The following SUMF1 variants were observed in gnomAD, a reference collection of about 807,000 sequenced individuals.
The protein encoded by SUMF1 is sulfatase modifying factor 1, also known as formylglycine-generating enzyme.
Under a neutral mutation model 47.6 loss-of-function variants are expected in SUMF1, and 48 were observed. The observed-to-expected ratio is 1.01, with a 90% confidence interval of 0.80 to 1.28. The LOEUF is 1.28. Among genes scored for constraint, SUMF1 ranks in the 50% most tolerant of loss-of-function variants. The pLI is 0.00. For missense variants in SUMF1, 571 were observed against 485.4 expected (o/e 1.18, Z -1.66); for synonymous variants, 230 against 192.1 (o/e 1.20, Z -1.63).
In SUMF1 at chr3:4,344,126, T is replaced by C. The variant is rs115765748; in HGVS notation, c.1014+32204A>G. 4.8e-3 allele frequency among the ~76,000 whole-genome samples: 733 copies of C among 152,280 alleles called. 7 individuals carry two copies. Among genetic ancestry groups the C allele is most frequent in the African/African-American group, 0.017 (707 of 41,552 alleles). ...TTCTGAGGCTCCCATAGAAGAAAACTATAATAAGCATGAGAATCCTTCACC... is the reference window on the plus strand; with the variant it reads ...TTCTGAGGCTCCCATAGAAGAAAACCATAATAAGCATGAGAATCCTTCACC... On this transcript the variant is annotated intron_variant and NMD_transcript_variant, in intron 8 of 12. Coordinates refer to the SUMF1 transcript ENST00000448413.
At chr3:4,372,106 G>T (rs748462923) in intron 8 of SUMF1, among the ~76,000 whole-genome samples, 58 of 152,204 alleles carry the variant, frequency 3.8e-4, no homozygotes, top group African/African-American at 1.3e-3. Context: ...TCAGGAGTTC[G>T]AGACCAGCCT....
At chr3:4,144,508 G>A (rs1375689293) in intron 8 of SUMF1, among the ~76,000 whole-genome samples, 1 of 152,070 alleles carries the variant, frequency 6.6e-6, no homozygotes, top group African/African-American at 2.4e-5. Flanking sequence ...AAAAACAAGA[G>A]ACCAGAAATA....
chr3:4,169,451 G>A (rs943250101), intron 8 of SUMF1, among the ~76,000 whole-genome samples: 3 of 152,166 alleles, frequency 2.0e-5, no homozygotes, highest in South Asian at 2.1e-4. Flanking sequence ...TGACTGGAAC[G>A]AGGCATCTAC....
At chr3:4,232,584 T>G (rs2124984850) in intron 8 of SUMF1, among the ~76,000 whole-genome samples, 1 of 152,076 alleles carries the variant, frequency 6.6e-6, no homozygotes, top group East Asian at 1.9e-4. Context: ...GAAGAATTTA[T>G]GCTTGCTTGC....
chr3:4,325,603 A>G (rs1400259182), intron 8 of SUMF1, among the ~76,000 whole-genome samples: 1 of 133,294 alleles, frequency 7.5e-6, no homozygotes, highest in Non-Finnish European at 1.5e-5. Context: ...GTGTGTATAT[A>G]TGTGTACACA....
chr3:4,106,776 G>T (rs1011279509), intron 8 of SUMF1, among the ~76,000 whole-genome samples: 4 of 152,034 alleles, frequency 2.6e-5, no homozygotes, highest in Non-Finnish European at 5.9e-5. Flanking sequence ...TCAATTAACT[G>T]AAGATGTCAA....
chr3:4,201,345 G>A (rs913396304), intron 8 of SUMF1, among the ~76,000 whole-genome samples: 21 of 151,916 alleles, frequency 1.4e-4, no homozygotes, highest in Middle Eastern at 3.2e-3. Context: ...ATCTCCATGA[G>A]TTCAATTGCT....
intron 8 of SUMF1, among the ~76,000 whole-genome samples, chr3:4,197,415 C>T (rs2600134): frequency 0.31 from 46,352 of 151,814 alleles, 7,277 homozygotes; most frequent in East Asian, 0.4. Context: ...GATGGTTTCA[C>T]GGAAAGATTA....
At chr3:4,268,593 C>T (rs1276347207) in intron 8 of SUMF1, among the ~76,000 whole-genome samples, 1 of 147,144 alleles carries the variant, frequency 6.8e-6, no homozygotes, top group Non-Finnish European at 1.5e-5. Context: ...ACTACATACT[C>T]AGAAACATAC....
At chr3:4,236,955 TCCC>T (rs1388093115) in intron 8 of SUMF1, among the ~76,000 whole-genome samples, 1 of 152,140 alleles carries the variant, frequency 6.6e-6, no homozygotes, top group African/African-American at 2.4e-5. Context: ...TTCATACTTT[TCCC>T]TTTTCCAGAA....
chr3:4,239,779 T>C (rs915862263), intron 8 of SUMF1, among the ~76,000 whole-genome samples: 1 of 152,216 alleles, frequency 6.6e-6, no homozygotes, highest in African/African-American at 2.4e-5. Context: ...TCTTGCCTGA[T>C]TGCCCTGGCC....
chr3:4,092,213 A>G (rs138968749), intron 8 of SUMF1, among the ~76,000 whole-genome samples: 26 of 152,188 alleles, frequency 1.7e-4, no homozygotes, highest in African/African-American at 5.3e-4. Flanking sequence ...CCAAAGCACA[A>G]TTTCACACAG....
intron 8 of SUMF1, among the ~76,000 whole-genome samples, chr3:4,104,567 C>T (rs1383754250): frequency 6.6e-6 from 1 of 151,908 alleles, no homozygotes; most frequent in Non-Finnish European, 1.5e-5. Flanking sequence ...AGAGAGAGGT[C>T]AGGGTCCGTA....
At chr3:4,426,324 T>C (rs1257453204) in intron 3 of SUMF1, among the ~76,000 whole-genome samples, 1 of 152,136 alleles carries the variant, frequency 6.6e-6, no homozygotes, top group Non-Finnish European at 1.5e-5. Context: ...GAGAGACAAG[T>C]AATCAAAGTC....
chr3:4,325,563 GTATATA>G (rs78748362), intron 8 of SUMF1, among the ~76,000 whole-genome samples: 1 of 149,864 alleles, frequency 6.7e-6, no homozygotes, highest in Admixed American at 6.7e-5. Context: ...GTCTGTGTGT[GTATATA>G]TATATATATG....
At chr3:4,146,169 T>C (rs1694189154) in intron 8 of SUMF1, among the ~76,000 whole-genome samples, 2 of 152,094 alleles carry the variant, frequency 1.3e-5, no homozygotes, top group South Asian at 4.2e-4. Context: ...ACGTGTGTTC[T>C]GGGAGGATTT....
rs753319759 is a variant in SUMF1 at position 4,226,249 on chromosome 3, GT to G, written c.1014+150080del. 5.8e-3 allele frequency among the ~76,000 whole-genome samples: 732 copies of G among 125,426 alleles called. 5 individuals carry two copies. The highest frequency in any genetic ancestry group is 0.03 in the Middle Eastern group (7 of 236). The allele number at this position is 125,426 out of a possible 152,430, so 82.3% of individuals were successfully genotyped here. A position where few individuals can be genotyped will look rare whatever the true frequency, so the allele number is the denominator to read the frequency against. On this transcript the variant is annotated intron_variant and NMD_transcript_variant, in intron 8 of 12. Transcript: ENST00000448413. ...AGCTATTACCACCATCATGATTATT[GT>G]TTTTTTTTTGTTTCTTTTTTTTTTT...
chr3:4,240,594 T>A (rs552594339), intron 8 of SUMF1, among the ~76,000 whole-genome samples: 2 of 152,202 alleles, frequency 1.3e-5, no homozygotes, highest in East Asian at 3.9e-4. Flanking sequence ...ACCAGAGGCT[T>A]AGACAAAGAT....
Position 4,073,553 on chromosome 3 carries a change from G to C in SUMF1, c.1015-4808C>G, listed in dbSNP as rs147604879. Among the ~76,000 whole-genome samples the C allele has an allele frequency of 8.9e-3, 1,357 of 152,230 alleles. 16 individuals are homozygous for C. Among genetic ancestry groups the C allele is most frequent in the African/African-American group, 0.031 (1,288 of 41,540 alleles). Reference sequence around the variant, plus strand: ...GACACAGACTGGCAAATTGGATAAAGAGTCAAGACCCATTGGTGTGCAGTA... The same window carrying C: ...GACACAGACTGGCAAATTGGATAAACAGTCAAGACCCATTGGTGTGCAGTA... On this transcript the variant is annotated intron_variant and NMD_transcript_variant, in intron 8 of 12. Transcript: ENST00000448413.
Sources: allele counts gnomAD v4.1 joint callset (sites outside exome capture counted in the v4.1 genomes callset), GRCh38; gene constraint gnomAD v4.1.1; transcripts MANE v1.5; gene names NCBI Gene and HGNC (gene_info 2026-07-23, HGNC 2026-07-21).